The following HDAC9 variants were observed in gnomAD, a reference collection of about 807,000 sequenced individuals.
The protein encoded by HDAC9 is MEF-2 interacting transcription repressor (MITR) protein.
A neutral mutation model predicts 139.4 loss-of-function variants in HDAC9; 41 were observed. The ratio of observed to expected loss-of-function variants is 0.29; its 90% confidence interval spans 0.23 to 0.38. HDAC9 has a LOEUF of 0.38. Ranked by LOEUF, HDAC9 falls within the 10% of genes least tolerant of loss-of-function variation. The pLI is 1.00. For missense variants in HDAC9, 1,147 were observed against 1,297.0 expected, an observed-to-expected ratio of 0.88 and a Z score of 1.78; for synonymous variants, 517 against 476.2, an observed-to-expected ratio of 1.09 and a Z score of -1.12.
At chr7:18,388,839 A>AT (rs945697433) in intron 1 of HDAC9, among the ~76,000 whole-genome samples, 10 of 152,210 alleles carry the variant, frequency 6.6e-5, no homozygotes, top group Non-Finnish European at 1.5e-4. Context: ...TTTTATATTT[A>AT]TTTTTGCTCT....
intron 17 of HDAC9, among the ~76,000 whole-genome samples, chr7:18,809,843 A>C (rs73310588): frequency 0.022 from 3,371 of 152,096 alleles, 103 homozygotes; most frequent in African/African-American, 0.071. Context: ...TAGAACTGCC[A>C]TATGATCCAG....
At chr7:18,631,497 T>A (rs542743207) in intron 7 of HDAC9, among the ~76,000 whole-genome samples, 2 of 152,206 alleles carry the variant, frequency 1.3e-5, no homozygotes, top group South Asian at 4.1e-4. Context: ...ATACTAAATA[T>A]TTTTAGTATC....
At chr7:18,468,847 T>C (rs1329032395) in intron 1 of HDAC9, among the ~76,000 whole-genome samples, 4 of 152,216 alleles carry the variant, frequency 2.6e-5, no homozygotes, top group Admixed American at 6.5e-5. Context: ...TTTCTTTATA[T>C]TCTCTGAGCC....
intron 3 of HDAC9, among the ~76,000 whole-genome samples, chr7:18,585,849 T>C (rs925480471): frequency 1.3e-5 from 2 of 152,076 alleles, no homozygotes; most frequent in African/African-American, 4.8e-5. Context: ...AGCATGAGCC[T>C]AGAAGACCCA....
chr7:18,099,594 C>T (rs1782718998), intron 1 of HDAC9, among the ~76,000 whole-genome samples: 1 of 152,170 alleles, frequency 6.6e-6, no homozygotes. Context: ...GAACAAACAT[C>T]ATATATTCAC....
rs1448368501 is a variant in HDAC9 at position 18,759,816 on chromosome 7, G to A, written c.2044-2341G>A. On this transcript the variant is annotated intron_variant, in intron 14 of 25. Coordinates refer to ENST00000686413, the MANE Select transcript of HDAC9 (RefSeq NM_178425.4). ...TTGAGCATTCAGCTAGAATCAGTGG[G>A]ATTGTGGGTGAATAAGCAAAGGTGT... Among the ~76,000 whole-genome samples the A allele has an allele frequency of 2.0e-5, 3 of 152,280 alleles. No individual in the cohort carries two copies. The East Asian group carries it at 5.8e-4, about 29-fold the overall frequency.
At chr7:18,690,282 T>A (rs1782579257) in intron 12 of HDAC9, among the ~76,000 whole-genome samples, 1 of 152,056 alleles carries the variant, frequency 6.6e-6, no homozygotes, top group Non-Finnish European at 1.5e-5. Context: ...CGACTGCAAT[T>A]TGCATTTATG....
chr7:18,146,611 C>CG (rs1786347950), intron 1 of HDAC9, among the ~76,000 whole-genome samples: 1 of 152,124 alleles, frequency 6.6e-6, no homozygotes, highest in Non-Finnish European at 1.5e-5. Context: ...TCAGCAACAA[C>CG]GGGCTGCAGA....
At chr7:18,864,154 A>T (rs1454438062) in intron 21 of HDAC9, among the ~76,000 whole-genome samples, 1 of 152,212 alleles carries the variant, frequency 6.6e-6, no homozygotes, top group Non-Finnish European at 1.5e-5. Flanking sequence ...GGATGAATGG[A>T]TAAAGAAAAT....
chr7:18,667,838 C>G, intron 12 of HDAC9: 2 of 984,004 alleles, frequency 2.0e-6, no homozygotes. Context: ...CCTTCATATT[C>G]CCTTTTGATA....
intron 11 of HDAC9, among the ~76,000 whole-genome samples, chr7:18,663,497 T>A (rs1793861572): frequency 6.6e-6 from 1 of 151,994 alleles, no homozygotes; most frequent in African/African-American, 2.4e-5. Context: ...GACATAGCAT[T>A]TCCTGGACAC....
At chr7:18,865,670 A>G (rs1475361578) in intron 21 of HDAC9, among the ~76,000 whole-genome samples, 3 of 152,134 alleles carry the variant, frequency 2.0e-5, no homozygotes, top group African/African-American at 7.2e-5. Context: ...GCTGCCTGGA[A>G]TCTGTATAGA....
intron 2 of HDAC9, among the ~76,000 whole-genome samples, chr7:18,537,392 G>A (rs1412634270): frequency 1.3e-5 from 2 of 152,040 alleles, no homozygotes; most frequent in African/African-American, 2.4e-5. Flanking sequence ...AGCTTGTATC[G>A]AATTGCATTT....
upstream of HDAC9, among the ~76,000 whole-genome samples, chr7:18,289,847 T>G (rs1018154116): frequency 6.6e-6 from 1 of 152,178 alleles, no homozygotes; most frequent in Admixed American, 6.6e-5. Flanking sequence ...CATAGCTGCT[T>G]CTTCAGAGGA....
chr7:18,162,277 C>T, exon 2 of HDAC9: 1 of 1,525,482 alleles, frequency 6.6e-7, no homozygotes, highest in South Asian at 1.2e-5. Context: ...AGTTGAACGA[C>T]AAAGGCTGTG....
At chr7:18,387,742 A>G (rs372243143) in intron 1 of HDAC9, among the ~76,000 whole-genome samples, 17 of 152,358 alleles carry the variant, frequency 1.1e-4, no homozygotes, top group African/African-American at 2.6e-4. Flanking sequence ...ATCAGTTGGT[A>G]TAGGGATAAG....
At chr7:18,899,757 T>G (rs1473020890) in intron 22 of HDAC9, among the ~76,000 whole-genome samples, 1 of 152,014 alleles carries the variant, frequency 6.6e-6, no homozygotes, top group Non-Finnish European at 1.5e-5. Flanking sequence ...ACTAGGGTTA[T>G]ATAGCCCTAG....
chr7:18,938,383 C>G (rs1283851763), intron 23 of HDAC9, among the ~76,000 whole-genome samples: 2 of 151,992 alleles, frequency 1.3e-5, no homozygotes, highest in Non-Finnish European at 2.9e-5. Flanking sequence ...ATCACGAGGT[C>G]ATGAGATCAA....
intron 2 of HDAC9, among the ~76,000 whole-genome samples, chr7:18,240,644 C>T (rs1794128009): frequency 2.0e-5 from 3 of 152,056 alleles, no homozygotes; most frequent in South Asian, 4.1e-4. Flanking sequence ...AGTCAGATCA[C>T]GTTACTCCTC....
Sources: gnomAD v4.1 joint callset for allele counts (sites outside exome capture counted in the v4.1 genomes callset) on GRCh38, gnomAD v4.1.1 for gene constraint, MANE v1.5 for transcripts, NCBI Gene and HGNC (gene_info 2026-07-23, HGNC 2026-07-21) for gene names.